SLC15A1: variants seen among roughly 807,000 people sequenced by gnomAD.
SLC15A1 encodes solute carrier family 15 member 1, also known as Caco-2 oligopeptide transporter.
Under a neutral mutation model 92.9 loss-of-function variants are expected in SLC15A1, and 83 were observed. That is an observed-to-expected ratio of 0.89 (90% CI 0.75 to 1.07). The LOEUF (loss-of-function observed/expected upper bound fraction) is 1.07, where lower values mean the gene tolerates loss of function less well. SLC15A1 is among the 50% of genes least tolerant of loss of function. The probability of loss-of-function intolerance (pLI) is 0.00; values close to 1 mark genes in which losing one functional copy is unlikely to be tolerated. For missense variants in SLC15A1, 857 were observed against 880.1 expected (o/e 0.97, Z 0.33); for synonymous variants, 322 against 318.2 (o/e 1.01, Z -0.13).
rs1324654017 is a variant in SLC15A1, at chr13:98,692,333, T to G, written c.1467-3756A>C. ...CATGCCTGGCTAATTTTTAAATTCT[T>G]ATATTTGCAGAGAGGGAGTTTTGCT... is the stretch of plus-strand genomic sequence containing the variant. On this transcript the variant is annotated intron_variant, in intron 18 of 22. Coordinates refer to ENST00000376503, the MANE Select transcript of SLC15A1 (RefSeq NM_005073.4). Among the ~76,000 whole-genome samples the G allele has an allele frequency of 2.0e-5, 3 of 151,842 alleles. No individual in the cohort carries two copies. In the East Asian group the frequency reaches 5.9e-4, roughly 30 times the overall value.
chr13:98,700,483 T>C (rs1251139239), intron 18 of SLC15A1, among the ~76,000 whole-genome samples: 1 of 750 alleles, frequency 1.3e-3, no homozygotes, highest in South Asian at 0.024. Context: ...AGACCCTGTC[T>C]CAAAAAAAAA....
chr13:98,737,798 G>C (rs971365439), intron 1 of SLC15A1, among the ~76,000 whole-genome samples: 3 of 152,228 alleles, frequency 2.0e-5, no homozygotes, highest in African/African-American at 7.2e-5. Flanking sequence ...AAGAGCTTTG[G>C]AACGGGCATA....
chr13:98,711,767 G>A, intron 11 of SLC15A1, 87 bp downstream of exon 11: 1 of 895,252 alleles, frequency 1.1e-6, no homozygotes, highest in Non-Finnish European at 1.8e-6. Context: ...CTTTTTAGAT[G>A]TGAAATATGA....
At position 98,723,969 on chromosome 13, in the gene SLC15A1, A is replaced by C. The variant is rs1247707941; in HGVS notation, c.308T>G (p.Ile103Ser). 1.9e-6 allele frequency: 3 copies of C among 1,614,190 alleles called. No homozygotes were observed. The highest frequency in any genetic ancestry group is 2.5e-6 in the Non-Finnish European group (3 of 1,180,018). Residue 103 changes from isoleucine (I) to serine (S), a missense_variant, in exon 5 of 23, where the codon ATT becomes AGT. Ile to Ser is a moderately radical substitution (Grantham distance 142, BLOSUM62 -2). Coordinates refer to ENST00000376503, the MANE Select transcript of SLC15A1 (RefSeq NM_005073.4). ...ATGGTTGTGGTCTGTGAGGTCATTA[A>C]TGGAGCTTACTGAGGTGACTGCTTG... ...IGQAVTSVSSINDLTDHNHDG... is the reference protein window; with the variant it reads ...IGQAVTSVSSSNDLTDHNHDG...
chr13:98,726,912 T>C (rs2088306307), intron 1 of SLC15A1, 53 bp from the exon 2 acceptor site: 1 of 1,588,174 alleles, frequency 6.3e-7, no homozygotes, highest in Non-Finnish European at 8.6e-7. Flanking sequence ...CAATAGTTTT[T>C]GCTGTGTCTA....
chr13:98,698,293 A>T (rs1200116659), intron 18 of SLC15A1, among the ~76,000 whole-genome samples: 2 of 152,190 alleles, frequency 1.3e-5, no homozygotes, highest in African/African-American at 4.8e-5. Flanking sequence ...CTGTTTATGG[A>T]TCTATTATTT....
chr13:98,720,894 C>A (rs2139591285), intron 7 of SLC15A1: 1 of 347,058 alleles, frequency 2.9e-6, no homozygotes, highest in Non-Finnish European at 5.7e-6. Flanking sequence ...ACTAAAAATA[C>A]AAAAAATATT....
chr13:98,706,961 C>G (rs1441312253), intron 15 of SLC15A1, among the ~76,000 whole-genome samples: 1 of 152,196 alleles, frequency 6.6e-6, no homozygotes. Flanking sequence ...TCTACCGTCA[C>G]CCGACTCCAG....
At chr13:98,730,788 C>G (rs1214332828) in intron 1 of SLC15A1, among the ~76,000 whole-genome samples, 2 of 152,232 alleles carry the variant, frequency 1.3e-5, no homozygotes, top group Non-Finnish European at 2.9e-5. Flanking sequence ...GAGCACAGTG[C>G]TCAGATCCAG....
chr13:98,724,509 A>G (rs912815591), intron 4 of SLC15A1, among the ~76,000 whole-genome samples: 7 of 152,190 alleles, frequency 4.6e-5, no homozygotes, highest in Admixed American at 1.3e-4. Flanking sequence ...GTCTCTTAAA[A>G]AAAAATTAAC....
chr13:98,721,428 CGAA>C, intron 7 of SLC15A1, 64 bp downstream of exon 7: 2 of 1,099,816 alleles, frequency 1.8e-6, no homozygotes, highest in Non-Finnish European at 2.8e-6. Context: ...CAGAACAAAA[CGAA>C]GAAGACACGG....
At chr13:98,715,448 C>T (rs528022898) in intron 9 of SLC15A1, among the ~76,000 whole-genome samples, 29 of 152,312 alleles carry the variant, frequency 1.9e-4, no homozygotes, top group East Asian at 1.2e-3. Context: ...GCTGGGACTA[C>T]GGGCATGAGC....
chr13:98,751,092 T>TC (rs1363239310), intron 1 of SLC15A1, among the ~76,000 whole-genome samples: 2 of 151,258 alleles, frequency 1.3e-5, no homozygotes, highest in Non-Finnish European at 3.0e-5. Context: ...CTACTTTTTT[T>TC]CCCCATAACA....
chr13:98,688,227 A>G, intron 20 of SLC15A1, 21 bp downstream of exon 20: 1 of 1,496,152 alleles, frequency 6.7e-7, no homozygotes, highest in South Asian at 1.1e-5. Flanking sequence ...ATCTTCTGAT[A>G]CAATGAAACG....
At chr13:98,703,446 C>T (rs1232345838) in intron 17 of SLC15A1, among the ~76,000 whole-genome samples, 1 of 151,052 alleles carries the variant, frequency 6.6e-6, no homozygotes, top group Non-Finnish European at 1.5e-5. Context: ...ATTGCAGTTC[C>T]GTAGAAGCTC....
rs575242696 is a variant in SLC15A1, at chr13:98,745,261, A to G, written c.4+7334T>C. On this transcript the variant is annotated intron_variant, in intron 1 of 22. Coordinates refer to ENST00000376503, the MANE Select transcript of SLC15A1 (RefSeq NM_005073.4). ...TGGGGGAAGGAACTGGTCACCAGAC[A>G]TAGCATCCGAGCTGAGGACCATGGT... Among the ~76,000 whole-genome samples the G allele has an allele frequency of 7.9e-5, 12 of 152,326 alleles. No individual in the cohort carries two copies. In the East Asian group the frequency reaches 1.9e-3, roughly 24 times the overall value.
chr13:98,726,595 AT>A, intron 2 of SLC15A1, 146 bp from the exon 3 acceptor site: 2 of 805,856 alleles, frequency 2.5e-6, no homozygotes, highest in Non-Finnish European at 4.3e-6. Context: ...GCATTTAATC[AT>A]TTTATTCCCT....
Position 98,704,371 on chromosome 13 carries a change from G to A in SLC15A1, c.1334C>T (p.Ser445Leu). The A allele has an allele frequency of 6.2e-7, 1 of 1,613,992 alleles. No individual in the cohort carries two copies. Among genetic ancestry groups the A allele is most frequent in the Non-Finnish European group, 8.5e-7 (1 of 1,179,928 alleles). ...LTRINISSPG[S>L]PVTAVTDDFK... ...GTCGTCAGTTACAGCAGTGACTGGT[G>A]ATCCAGGAGAAGAAATGTTTATCCT... Residue 445 changes from serine to leucine, a missense_variant, in exon 17 of 23, where the codon TCA (serine) becomes TTA (leucine). Ser to Leu is a moderately radical substitution (Grantham distance 145, BLOSUM62 -2). Transcript: ENST00000376503.
chr13:98,739,098 G>T (rs1291691866), intron 1 of SLC15A1, among the ~76,000 whole-genome samples: 1 of 152,186 alleles, frequency 6.6e-6, no homozygotes, highest in Non-Finnish European at 1.5e-5. Flanking sequence ...ACCTGGGTGG[G>T]GCCTGTAGCC....
Sources: allele counts gnomAD v4.1 joint callset (sites outside exome capture counted in the v4.1 genomes callset), GRCh38; gene constraint gnomAD v4.1.1; transcripts MANE v1.5; gene names NCBI Gene and HGNC (gene_info 2026-07-23, HGNC 2026-07-21).